GRIN2A: variants seen among roughly 807,000 people sequenced by gnomAD.
GRIN2A encodes glutamate receptor ionotropic, NMDA 2A.
In GRIN2A, 22 loss-of-function variants were observed where a neutral mutation model predicts 113.4. The observed-to-expected ratio is 0.19, with a 90% confidence interval of 0.14 to 0.28. GRIN2A has a LOEUF of 0.28. GRIN2A is among the 10% of genes least tolerant of loss of function. GRIN2A has a pLI of 1.00. For synonymous variants in GRIN2A, 827 were observed against 738.4 expected (o/e 1.12, Z -1.94); for missense variants, 1,502 against 1,887.0 (o/e 0.80, Z 3.78).
chr16:10,152,637 T>C (rs1382044826), intron 2 of GRIN2A, among the ~76,000 whole-genome samples: 1 of 152,196 alleles, frequency 6.6e-6, no homozygotes, highest in Non-Finnish European at 1.5e-5. Context: ...ATAAACCCAC[T>C]CTTCCGCTAG....
intron 2 of GRIN2A, chr16:10,179,704 GCCA>G: frequency 6.8e-5 from 31 of 453,730 alleles, no homozygotes; most frequent in East Asian, 2.1e-4. Flanking sequence ...TGCCACCACC[GCCA>G]CCACCACCAC....
rs1900296972 is a variant in GRIN2A at position 9,754,980 on chromosome 16, T to G, written c.*8169A>C. 1 of 207,232 alleles carries G rather than the reference T, an allele frequency of 4.8e-6. No individual in the cohort carries two copies. The highest frequency in any genetic ancestry group is 9.8e-6 in the Non-Finnish European group (1 of 101,592). 12.8% of individuals were successfully genotyped at this position (207,232 alleles called of 1,614,324 possible). A position where few individuals can be genotyped will look rare whatever the true frequency, so the allele number is the denominator to read the frequency against. ...TTAATTTGAAAGGCAGCTGTGGTATTGGCTATGAGTTATGTTAATATCCTA... is the reference window on the plus strand; with the variant it reads ...TTAATTTGAAAGGCAGCTGTGGTATGGGCTATGAGTTATGTTAATATCCTA... On this transcript the variant is annotated 3_prime_UTR_variant, in exon 13 of 13. Coordinates refer to ENST00000330684, the MANE Select transcript of GRIN2A (RefSeq NM_001134407.3).
chr16:9,756,640 CAT>C lies in GRIN2A; in HGVS notation c.*6507_*6508del, dbSNP rs1900359758. The C allele has an allele frequency of 5.1e-6, 1 of 194,358 alleles. No homozygotes were observed. Among genetic ancestry groups the C allele is most frequent in the African/African-American group, 2.3e-5 (1 of 43,146 alleles). The allele number at this position is 194,358 out of a possible 1,614,324, so 12.0% of individuals were successfully genotyped here. ...TCCTTATCTGTAAAATGGGAGCAAT[CAT>C]ATTTATATCTTAAGGTTGTTTTGAG... On this transcript the variant is annotated 3_prime_UTR_variant, in exon 13 of 13. Coordinates refer to ENST00000330684, the MANE Select transcript of GRIN2A (RefSeq NM_001134407.3).
intron 2 of GRIN2A, among the ~76,000 whole-genome samples, chr16:10,012,935 A>G (rs551520761): frequency 6.6e-6 from 1 of 152,336 alleles, no homozygotes; most frequent in Admixed American, 6.5e-5. Context: ...AGCAATAGGC[A>G]ACTAATACAC....
chr16:9,789,570 AC>A (rs1344099179), intron 11 of GRIN2A, among the ~76,000 whole-genome samples: 1 of 61,148 alleles, frequency 1.6e-5, no homozygotes, highest in African/African-American at 1.2e-4. Flanking sequence ...ACACACACAC[AC>A]ACACACACAC....
intron 2 of GRIN2A, among the ~76,000 whole-genome samples, chr16:10,005,165 A>G (rs2046384357): frequency 6.6e-6 from 1 of 152,238 alleles, no homozygotes; most frequent in Non-Finnish European, 1.5e-5. Context: ...TGCATCTAGC[A>G]ACATGCATCA....
chr16:9,993,380 T>C (rs1226784976), intron 2 of GRIN2A, among the ~76,000 whole-genome samples: 1 of 151,772 alleles, frequency 6.6e-6, no homozygotes, highest in African/African-American at 2.4e-5. Context: ...TGAAACCCCA[T>C]CTCTACAAAA....
chr16:10,035,198 G>A (rs1047017452), intron 2 of GRIN2A, among the ~76,000 whole-genome samples: 25 of 151,988 alleles, frequency 1.6e-4, no homozygotes, highest in African/African-American at 5.3e-4. Flanking sequence ...GCTAATTTTT[G>A]TATTTTTTGT....
At chr16:10,048,914 C>A (rs904662744) in intron 2 of GRIN2A, among the ~76,000 whole-genome samples, 12 of 152,340 alleles carry the variant, frequency 7.9e-5, no homozygotes, top group Admixed American at 7.2e-4. Flanking sequence ...AAGCCTCCTT[C>A]CTGCTGACGT....
intron 2 of GRIN2A, among the ~76,000 whole-genome samples, chr16:9,997,287 C>G (rs2046241918): frequency 6.6e-6 from 1 of 152,140 alleles, no homozygotes; most frequent in Admixed American, 6.5e-5. Context: ...TCTCACCATT[C>G]AACACTCCCC....
intron 2 of GRIN2A, among the ~76,000 whole-genome samples, chr16:10,055,152 T>TA (rs2141995188): frequency 7.9e-6 from 1 of 127,088 alleles, no homozygotes; most frequent in South Asian, 2.8e-4. Flanking sequence ...GTACTGTTTA[T>TA]AAAAAGCATA....
rs762573468 is a variant in GRIN2A at position 9,761,742 on chromosome 16, G to A, written c.*1407C>T. ...AAAAAAAAAATGGATATCATTTCATGTCATATATGCACAGGTTTGAGGAGA... is the reference window on the plus strand; with the variant it reads ...AAAAAAAAAATGGATATCATTTCATATCATATATGCACAGGTTTGAGGAGA... On this transcript the variant is annotated 3_prime_UTR_variant, in exon 13 of 13. Transcript: ENST00000330684. 4.6e-6 allele frequency: 1 copy of A among 217,240 alleles called. No homozygotes were observed. Among genetic ancestry groups the A allele is most frequent in the Non-Finnish European group, 9.3e-6 (1 of 108,058 alleles). The allele number at this position is 217,240 out of a possible 1,614,324, so 13.5% of individuals were successfully genotyped here.
intron 2 of GRIN2A, among the ~76,000 whole-genome samples, chr16:10,178,117 A>C (rs1424493110): frequency 6.6e-6 from 1 of 152,206 alleles, no homozygotes; most frequent in Non-Finnish European, 1.5e-5. Context: ...TCAAGAAGGA[A>C]GAAGGGATCC....
intron 10 of GRIN2A, among the ~76,000 whole-genome samples, chr16:9,811,761 A>AAAAC (rs748338402): frequency 6.6e-6 from 1 of 152,160 alleles, no homozygotes; most frequent in Non-Finnish European, 1.5e-5. Context: ...TCTGTCTCAA[A>AAAAC]AAACAAACAA....
chr16:9,856,090 A>C (rs1010180683), intron 4 of GRIN2A, among the ~76,000 whole-genome samples: 2 of 152,136 alleles, frequency 1.3e-5, no homozygotes, highest in Non-Finnish European at 2.9e-5. Flanking sequence ...AGGGTTTTTC[A>C]TTCATTATAT....
chr16:9,873,270 C>T (rs36021820), intron 4 of GRIN2A, among the ~76,000 whole-genome samples: 34,428 of 152,054 alleles, frequency 0.23, 4,051 homozygotes, highest in African/African-American at 0.25. Context: ...GAGAGGGATA[C>T]TCAAAAAGCC....
chr16:10,017,816 CA>C (rs1260268061), intron 2 of GRIN2A, among the ~76,000 whole-genome samples: 4 of 139,918 alleles, frequency 2.9e-5, no homozygotes, highest in East Asian at 2.0e-4. Context: ...AAAACCAATG[CA>C]AAAAAAATGA....
chr16:10,129,698 C>A (rs1596536424), intron 2 of GRIN2A, among the ~76,000 whole-genome samples: 1 of 152,300 alleles, frequency 6.6e-6, no homozygotes, highest in African/African-American at 2.4e-5. Context: ...TATGGTGCTC[C>A]TTCTAGGCCA....
intron 2 of GRIN2A, among the ~76,000 whole-genome samples, chr16:9,988,376 A>C (rs149992751): frequency 2.0e-5 from 3 of 152,088 alleles, no homozygotes; most frequent in Admixed American, 2.0e-4. Flanking sequence ...TGGACAAATT[A>C]TACCACTCAA....
Sources: gnomAD v4.1 joint callset for allele counts (sites outside exome capture counted in the v4.1 genomes callset) on GRCh38, gnomAD v4.1.1 for gene constraint, MANE v1.5 for transcripts, NCBI Gene and HGNC (gene_info 2026-07-23, HGNC 2026-07-21) for gene names.